The following CHRM3 variants were observed in gnomAD, a reference collection of about 807,000 sequenced individuals.
CHRM3 encodes the protein muscarinic acetylcholine receptor M3.
In CHRM3, 11 loss-of-function variants were observed where a neutral mutation model predicts 41.8. That is an observed-to-expected ratio of 0.26 (90% CI 0.17 to 0.44). The LOEUF is 0.44. CHRM3 is among the 20% of genes least tolerant of loss of function. CHRM3 has a pLI of 1.00. For synonymous variants in CHRM3, 297 were observed against 301.4 expected (o/e 0.99, Z 0.15); for missense variants, 571 against 745.4 (o/e 0.77, Z 2.72).
intron 1 of CHRM3, among the ~76,000 whole-genome samples, chr1:239,402,092 G>C (rs1174458562): frequency 6.6e-6 from 1 of 151,986 alleles, no homozygotes; most frequent in Non-Finnish European, 1.5e-5. Context: ...TTCATTTCTG[G>C]CCCTCTTTTA....
chr1:239,522,846 C>T (rs192054850), intron 2 of CHRM3, among the ~76,000 whole-genome samples: 10 of 152,264 alleles, frequency 6.6e-5, no homozygotes, highest in East Asian at 3.9e-4. Flanking sequence ...AAAGGTCATA[C>T]GCAGAAAATG....
Position 239,901,320 on chromosome 1 carries a change from G to A in CHRM3, c.-19-6113G>A, listed in dbSNP as rs542378462. On this transcript the variant is annotated intron_variant, in intron 6 of 6. Transcript: ENST00000676153. ...CTCTTCTTCACTTCCTTCTGGCTTCGGAAACTTTGGGATTTTTTTTTTTTT... is the reference window on the plus strand; with the variant it reads ...CTCTTCTTCACTTCCTTCTGGCTTCAGAAACTTTGGGATTTTTTTTTTTTT... Among the ~76,000 whole-genome samples the A allele has an allele frequency of 6.6e-5, 10 of 151,562 alleles. No individual in the cohort carries two copies. In the East Asian group the frequency reaches 7.7e-4, roughly 12 times the overall value.
intron 3 of CHRM3, among the ~76,000 whole-genome samples, chr1:239,584,108 C>CTTTTTTTTT (rs769127124): frequency 3.2e-5 from 4 of 124,412 alleles, no homozygotes; most frequent in African/African-American, 3.2e-5. Flanking sequence ...TCTTCTTCTT[C>CTTTTTTTTT]TTTTTTTTTT....
intron 2 of CHRM3, among the ~76,000 whole-genome samples, chr1:239,531,095 G>A (rs1670371812): frequency 6.6e-6 from 1 of 152,094 alleles, no homozygotes; most frequent in Non-Finnish European, 1.5e-5. Context: ...GTTTATTAGA[G>A]ATTGTTATTA....
intron 3 of CHRM3, among the ~76,000 whole-genome samples, chr1:239,562,867 AAAAGAGTG>A (rs1265952948): frequency 6.6e-6 from 1 of 150,846 alleles, no homozygotes; most frequent in Non-Finnish European, 1.5e-5. Flanking sequence ...CAGCCTGGGC[AAAAGAGTG>A]AAACTCTGTC....
intron 3 of CHRM3, among the ~76,000 whole-genome samples, chr1:239,622,551 A>G (rs964695166): frequency 1.8e-4 from 28 of 152,166 alleles, no homozygotes; most frequent in African/African-American, 6.8e-4. Flanking sequence ...CAAGACTTCG[A>G]TGAAGAAAGA....
At chr1:239,761,674 G>GA (rs1452151796) in intron 5 of CHRM3, among the ~76,000 whole-genome samples, 2 of 152,114 alleles carry the variant, frequency 1.3e-5, no homozygotes, top group East Asian at 3.9e-4. Context: ...TGCGCTAGGG[G>GA]GCCTTTTCAC....
At position 239,912,936 on chromosome 1, in the gene CHRM3, C is replaced by T. The variant is rs554893452; in HGVS notation, c.*3712C>T. 15 of 167,186 alleles carry T rather than the reference C, an allele frequency of 9.0e-5. No homozygotes were observed. The highest frequency in any genetic ancestry group is 3.6e-4 in the African/African-American group (15 of 41,570). The allele number at this position is 167,186 out of a possible 1,614,324, so 10.4% of individuals were successfully genotyped here. A position where few individuals can be genotyped will look rare whatever the true frequency, so the allele number is the denominator to read the frequency against. On this transcript the variant is annotated 3_prime_UTR_variant, in exon 7 of 7. Transcript: ENST00000676153. Reference sequence around the variant, plus strand: ...GTCCTTAGGAATGCTTGTCACTTAACCTAAACTTTCTGGGTTTTATCCTCA... The same window carrying T: ...GTCCTTAGGAATGCTTGTCACTTAATCTAAACTTTCTGGGTTTTATCCTCA...
chr1:239,454,025 C>T (rs1438188448), intron 1 of CHRM3, among the ~76,000 whole-genome samples: 5 of 152,148 alleles, frequency 3.3e-5, no homozygotes, highest in Non-Finnish European at 5.9e-5. Flanking sequence ...CCTCAACACT[C>T]AACACTCTCA....
At chr1:239,759,286 T>C (rs1666533895) in intron 5 of CHRM3, among the ~76,000 whole-genome samples, 1 of 149,480 alleles carries the variant, frequency 6.7e-6, no homozygotes, top group Non-Finnish European at 1.5e-5. Context: ...TTTGGCTGAA[T>C]TTTATCTCAA....
At chr1:239,819,444 T>G (rs2149034794) in intron 5 of CHRM3, among the ~76,000 whole-genome samples, 1 of 152,348 alleles carries the variant, frequency 6.6e-6, no homozygotes, top group East Asian at 1.9e-4. Context: ...CCACAGTTGC[T>G]TCTAGCTCAG....
intron 3 of CHRM3, among the ~76,000 whole-genome samples, chr1:239,570,494 T>C (rs72756772): frequency 0.034 from 5,147 of 152,332 alleles, 108 homozygotes; most frequent in Middle Eastern, 0.058. Flanking sequence ...GTGATAGATA[T>C]GGAAAATCTC....
intron 6 of CHRM3, among the ~76,000 whole-genome samples, chr1:239,832,703 C>A (rs1215623095): frequency 2.0e-5 from 3 of 151,948 alleles, no homozygotes; most frequent in Non-Finnish European, 2.9e-5. Context: ...AGATCCAATA[C>A]TTGTTTATAT....
intron 5 of CHRM3, among the ~76,000 whole-genome samples, chr1:239,684,566 G>A (rs989650705): frequency 1.1e-4 from 16 of 151,174 alleles, no homozygotes; most frequent in African/African-American, 1.9e-4. Context: ...GCATGTTGGC[G>A]CTAGAACCTG....
chr1:239,723,306 A>T (rs139588746), intron 5 of CHRM3, among the ~76,000 whole-genome samples: 3 of 152,094 alleles, frequency 2.0e-5, no homozygotes, highest in African/African-American at 7.2e-5. Flanking sequence ...GGAAAAAAAT[A>T]AATGCATTCT....
At chr1:239,679,991 C>A (rs1232643407) in intron 5 of CHRM3, among the ~76,000 whole-genome samples, 8 of 152,164 alleles carry the variant, frequency 5.3e-5, no homozygotes, top group South Asian at 4.2e-4. Context: ...TCAGGGTGGA[C>A]CGCGGGCTTC....
At chr1:239,671,784 C>CT (rs1290299845) in intron 4 of CHRM3, among the ~76,000 whole-genome samples, 2 of 151,132 alleles carry the variant, frequency 1.3e-5, no homozygotes, top group African/African-American at 4.9e-5. Context: ...TTTCTAAATT[C>CT]TTTTTTTAGT....
chr1:239,868,658 C>G (rs907991096), intron 6 of CHRM3, among the ~76,000 whole-genome samples: 2 of 152,158 alleles, frequency 1.3e-5, no homozygotes. Flanking sequence ...TCCCGTCCTG[C>G]CCAGCTGAAT....
intron 3 of CHRM3, chr1:239,605,999 T>C (rs1018941058): frequency 1.3e-5 from 2 of 152,182 alleles, no homozygotes; most frequent in African/African-American, 4.8e-5. Context: ...GCTCTTACTC[T>C]CTCAGTGTAC....
Sources: gnomAD v4.1 joint callset for allele counts (sites outside exome capture counted in the v4.1 genomes callset) on GRCh38, gnomAD v4.1.1 for gene constraint, MANE v1.5 for transcripts, NCBI Gene and HGNC (gene_info 2026-07-23, HGNC 2026-07-21) for gene names.